TM4SF18: variants seen among roughly 807,000 people sequenced by gnomAD.
TM4SF18 encodes the protein transmembrane 4 L six family member 18.
TM4SF18 carries 22 observed loss-of-function variants against 23.8 expected under a neutral mutation model. The observed-to-expected ratio is 0.92, with a 90% CI of 0.66 to 1.32. The LOEUF (loss-of-function observed/expected upper bound fraction) is 1.32, where lower values mean the gene tolerates loss of function less well. Ranked by LOEUF, TM4SF18 falls within the 40% of genes most tolerant of loss-of-function variation. The pLI, the probability that TM4SF18 is intolerant of heterozygous loss-of-function variation, is 0.00. For synonymous variants in TM4SF18, 87 were observed against 87.9 expected, an observed-to-expected ratio of 0.99 and a Z score of 0.06; for missense variants, 255 against 240.3, an observed-to-expected ratio of 1.06 and a Z score of -0.41.
Position 149,319,204 on chromosome 3 carries a change from A to C in TM4SF18, c.*2274T>G, listed in dbSNP as rs1730749151. 1 of 152,214 alleles carries C rather than the reference A, an allele frequency of 6.6e-6. No individual in the cohort carries two copies. The allele number at this position is 152,214 out of a possible 1,614,324, so 9.4% of individuals were successfully genotyped here. A position where few individuals can be genotyped will look rare whatever the true frequency, so the allele number is the denominator to read the frequency against. On this transcript the variant is annotated 3_prime_UTR_variant, in exon 6 of 6. Coordinates refer to ENST00000296059, the MANE Select transcript of TM4SF18 (RefSeq NM_138786.4). ...CAGTCTGAAAGTATATAACAAACTG[A>C]TGAAGTGGACCTTCCAGAAGTCTGT... is the stretch of plus-strand genomic sequence containing the variant.
intron 2 of TM4SF18, among the ~76,000 whole-genome samples, chr3:149,331,771 A>G (rs1000681224): frequency 1.3e-5 from 2 of 152,210 alleles, no homozygotes; most frequent in Non-Finnish European, 2.9e-5. Flanking sequence ...GTGTTTTCCC[A>G]CATATGTCTA....
chr3:149,332,892 C>T (rs898939006), intron 2 of TM4SF18, among the ~76,000 whole-genome samples: 2 of 152,102 alleles, frequency 1.3e-5, no homozygotes, highest in African/African-American at 4.8e-5. Context: ...AGTAATGCCA[C>T]TGAAGATCAA....
chr3:149,332,765 T>C (rs372550368), intron 2 of TM4SF18, among the ~76,000 whole-genome samples: 6 of 152,170 alleles, frequency 3.9e-5, no homozygotes, highest in African/African-American at 1.4e-4. Flanking sequence ...TGACAGAGCT[T>C]AGATTTACAT....
In TM4SF18 at chr3:149,333,272, A is replaced by G. The variant is rs374833507; in HGVS notation, c.111T>C (p.Tyr37=). Residue 37 remains tyrosine (Y), a synonymous_variant, in exon 2 of 6, where the codon TAT becomes TAC. Transcript: ENST00000296059. ...AGTTGGTGAGTTTATTGCTGGATGC[A>G]TAGGAAGTTTGCCCATTCGGGAAAT... ...LLYFPNGQTS[Y]ASSNKLTNYV... 1 of 1,613,888 alleles carries G rather than the reference A, an allele frequency of 6.2e-7. No individual in the cohort carries two copies. The highest frequency in any genetic ancestry group is 8.5e-7 in the Non-Finnish European group (1 of 1,179,938).
At chr3:149,324,153 G>C (rs1730877232) in intron 4 of TM4SF18, among the ~76,000 whole-genome samples, 1 of 152,078 alleles carries the variant, frequency 6.6e-6, no homozygotes, top group African/African-American at 2.4e-5. Flanking sequence ...TCTGGGCCCT[G>C]CTACCTCCTA....
intron 5 of TM4SF18, 80 bp from the exon 6 acceptor site, chr3:149,321,572 T>A: frequency 1.1e-6 from 1 of 888,504 alleles, no homozygotes; most frequent in Non-Finnish European, 1.7e-6. Context: ...GATAGCAACT[T>A]AAACTTATAT....
At chr3:149,327,234 G>A (rs915807963) in intron 3 of TM4SF18, among the ~76,000 whole-genome samples, 3 of 152,236 alleles carry the variant, frequency 2.0e-5, no homozygotes, top group African/African-American at 7.2e-5. Context: ...ACAGGCATGA[G>A]CCGCTGTGTC....
chr3:149,324,065 T>C (rs529243791), intron 4 of TM4SF18, among the ~76,000 whole-genome samples: 2 of 152,124 alleles, frequency 1.3e-5, no homozygotes, highest in South Asian at 4.1e-4. Context: ...GAGAAGAAAA[T>C]TTAACTTCCC....
intron 2 of TM4SF18, among the ~76,000 whole-genome samples, chr3:149,331,155 A>C (rs1285755935): frequency 1.3e-5 from 2 of 151,778 alleles, no homozygotes; most frequent in Non-Finnish European, 2.9e-5. Context: ...CCATTTTTTT[A>C]CTCTCACTAT....
At chr3:149,324,786 C>T in intron 4 of TM4SF18, 94 bp downstream of exon 4, 1 of 1,540,562 alleles carries the variant, frequency 6.5e-7, no homozygotes, top group Non-Finnish European at 8.9e-7. Flanking sequence ...CACATGGAAC[C>T]CCAAAGTGAT....
rs776568292 is a variant in TM4SF18 at position 149,330,400 on chromosome 3, A to G, written c.197T>C (p.Val66Ala). The change falls in exon 3 of 6, where the codon GTT becomes GCT. Residue 66 changes from valine to alanine, a missense_variant. Coordinates refer to ENST00000296059, the MANE Select transcript of TM4SF18 (RefSeq NM_138786.4). Reference sequence around the variant, plus strand: ...GTTATTATTCTCCAGTACCAGAAGAACTGTTGTTACTATAAGCATCTATAG... The same window carrying G: ...GTTATTATTCTCCAGTACCAGAAGAGCTGTTGTTACTATAAGCATCTATAG... ...SGIMMLIVTTVLLVLENNNNY... is the reference protein window; with the variant it reads ...SGIMMLIVTTALLVLENNNNY... 5 of 1,604,882 alleles carry G rather than the reference A, an allele frequency of 3.1e-6. No homozygotes were observed. The African/African-American group carries it at 6.7e-5, about 22-fold the overall frequency.
chr3:149,323,522 G>A (rs956410355), intron 4 of TM4SF18, among the ~76,000 whole-genome samples: 19 of 152,276 alleles, frequency 1.2e-4, no homozygotes, highest in East Asian at 3.9e-4. Context: ...GGCTGGAGCC[G>A]CGGCAGAGAA....
rs1366704544 is a variant in TM4SF18 at position 149,319,051 on chromosome 3, A to ATAGAGGTATCATGCTGCATTTGGCTG, written c.*2401_*2426dup. On this transcript the variant is annotated 3_prime_UTR_variant, in exon 6 of 6. Transcript: ENST00000296059. ...GCTGTGTTAAAATTTAATTTTCCTG[A>ATAGAGGTATCATGCTGCATTTGGCTG]TAGAGGTATCATGCTGCATTTGGCT... 1 of 152,144 alleles carries ATAGAGGTATCATGCTGCATTTGGCTG rather than the reference A, an allele frequency of 6.6e-6. No individual in the cohort carries two copies. The highest frequency in any genetic ancestry group is 2.4e-5 in the African/African-American group (1 of 41,420). 9.4% of individuals were successfully genotyped at this position (152,144 alleles called of 1,614,324 possible). A position where few individuals can be genotyped will look rare whatever the true frequency, so the allele number is the denominator to read the frequency against.
intron 2 of TM4SF18, among the ~76,000 whole-genome samples, 164 bp from the exon 3 acceptor site, chr3:149,330,583 G>A (rs538799107): frequency 1.3e-5 from 2 of 152,308 alleles, no homozygotes; most frequent in Admixed American, 6.5e-5. Context: ...GACACCTTCT[G>A]TATAAAATGG....
rs1730724041 is a variant in TM4SF18 at position 149,318,545 on chromosome 3, C to T, written c.*2933G>A. 6.6e-6 allele frequency: 1 copy of T among 152,116 alleles called. No individual in the cohort carries two copies. Among genetic ancestry groups the T allele is most frequent in the Non-Finnish European group, 1.5e-5 (1 of 68,006 alleles). 9.4% of individuals were successfully genotyped at this position (152,116 alleles called of 1,614,324 possible). On this transcript the variant is annotated 3_prime_UTR_variant, in exon 6 of 6. Transcript: ENST00000296059. The stretch of plus-strand genomic sequence containing the variant: ...TTTTTCTAATAATTCAAGTACATAA[C>T]ACATTTTCAAAGGGAAATTTGAAAA...
At chr3:149,326,914 A>G (rs1220757513) in intron 3 of TM4SF18, among the ~76,000 whole-genome samples, 6 of 151,920 alleles carry the variant, frequency 3.9e-5, no homozygotes, top group Admixed American at 3.3e-4. Context: ...TTACCCTGCC[A>G]TAGACCTGGA....
In TM4SF18 at chr3:149,333,312, A is replaced by G; in HGVS notation, c.71T>C (p.Val24Ala). 1.9e-6 allele frequency: 3 copies of G among 1,613,908 alleles called. No individual in the cohort carries two copies. The highest frequency in any genetic ancestry group is 2.5e-6 in the Non-Finnish European group (3 of 1,179,930). ...ATTCGGGAAATACAATAATATGTTC[A>G]CGATTATACTCCAAAGTGCAAGCGG... ...LIPLALWSII[V>A]NILLYFPNGQ... The change falls in exon 2 of 6, where the codon GTG becomes GCG. Residue 24 changes from valine (V) to alanine (A), a missense_variant. Coordinates refer to ENST00000296059, the MANE Select transcript of TM4SF18 (RefSeq NM_138786.4).
At position 149,333,607 on chromosome 3, in the gene TM4SF18, T is replaced by C; in HGVS notation, c.-112A>G. The C allele has an allele frequency of 2.4e-6, 1 of 415,112 alleles. No homozygotes were observed. The highest frequency in any genetic ancestry group is 4.2e-5 in the Admixed American group (1 of 23,722). The allele number at this position is 415,112 out of a possible 1,614,324, so 25.7% of individuals were successfully genotyped here. On this transcript the variant is annotated 5_prime_UTR_variant, in exon 1 of 6. Coordinates refer to ENST00000296059, the MANE Select transcript of TM4SF18 (RefSeq NM_138786.4). ...GACAATCTCAGTGTGAAATACTGGT[T>C]TACTGTTTGGAGAACAATAGACAAT... is the stretch of plus-strand genomic sequence containing the variant.
At chr3:149,323,539 A>G (rs571256373) in intron 4 of TM4SF18, among the ~76,000 whole-genome samples, 7 of 152,300 alleles carry the variant, frequency 4.6e-5, no homozygotes, top group Middle Eastern at 6.8e-3. Context: ...AGAAACATGA[A>G]TTGTGAAGAT....
Sources: allele counts gnomAD v4.1 joint callset (sites outside exome capture counted in the v4.1 genomes callset), GRCh38; gene constraint gnomAD v4.1.1; transcripts MANE v1.5; gene names NCBI Gene and HGNC (gene_info 2026-07-23, HGNC 2026-07-21).